The following PPP1R13B variants were observed in gnomAD, a reference collection of about 807,000 sequenced individuals.
PPP1R13B encodes protein phosphatase 1 regulatory subunit 13B, also known as apoptosis-stimulating of p53 protein 1.
A neutral mutation model predicts 119.8 loss-of-function variants in PPP1R13B; 44 were observed. That is an observed-to-expected ratio of 0.37 (90% CI 0.29 to 0.47). The LOEUF is 0.47. Ranked by LOEUF, PPP1R13B falls within the 20% of genes least tolerant of loss-of-function variation. The probability of loss-of-function intolerance (pLI) is 0.99; values close to 1 mark genes in which losing one functional copy is unlikely to be tolerated. For synonymous variants in PPP1R13B, 542 were observed against 561.5 expected (o/e 0.97, Z 0.49); for missense variants, 1,227 against 1,413.5 (o/e 0.87, Z 2.12).
In PPP1R13B at chr14:103,737,766, C is replaced by T. The variant is rs1356353983; in HGVS notation, c.2959G>A (p.Asp987Asn). ...CACTTGTCTGCAGCAGTTTCAATGT[C>T]GCTTATGGTTGAGGCAAAAATGGCG... ...GAAIFASTIS[D>N]IETAADKCEE... Residue 987 changes from aspartate (D) to asparagine (N), a missense_variant, in exon 15 of 17, where the codon GAC becomes AAC. Asp to Asn is a conservative substitution (Grantham distance 23). Transcript: ENST00000202556. 1.9e-6 allele frequency: 3 copies of T among 1,614,114 alleles called. No individual in the cohort carries two copies. Among genetic ancestry groups the T allele is most frequent in the Middle Eastern group, 1.6e-4 (1 of 6,084 alleles).
chr14:103,798,520 G>A (rs7147171), intron 1 of PPP1R13B, among the ~76,000 whole-genome samples: 67,529 of 151,478 alleles, frequency 0.45, 15,536 homozygotes, highest in African/African-American at 0.56. Flanking sequence ...CAAATACAAA[G>A]CTAATCCCCT....
chr14:103,821,661 G>A (rs2086411541), intron 1 of PPP1R13B, among the ~76,000 whole-genome samples: 1 of 152,168 alleles, frequency 6.6e-6, no homozygotes. Flanking sequence ...TAAGGCAGGA[G>A]AATTGCTTGA....
chr14:103,813,150 A>G (rs1042720325), intron 1 of PPP1R13B, among the ~76,000 whole-genome samples: 2 of 152,210 alleles, frequency 1.3e-5, no homozygotes, highest in African/African-American at 2.4e-5. Flanking sequence ...GGAAGCAACC[A>G]AGATGTCCTT....
intron 1 of PPP1R13B, among the ~76,000 whole-genome samples, chr14:103,832,244 T>C (rs1445454860): frequency 1.3e-5 from 2 of 152,160 alleles, no homozygotes; most frequent in Non-Finnish European, 2.9e-5. Flanking sequence ...TACTACCCTA[T>C]GTGTAATCTG....
intron 4 of PPP1R13B, chr14:103,763,410 CTGTT>C (rs2084857944): frequency 6.2e-6 from 1 of 162,282 alleles, no homozygotes; most frequent in Non-Finnish European, 1.3e-5. Context: ...TTTGACTGTT[CTGTT>C]TGTGTTCAGT....
In PPP1R13B at chr14:103,742,400, TG is replaced by T; in HGVS notation, c.1321-110del. On this transcript the variant is annotated intron_variant, in intron 10 of 16. Transcript: ENST00000202556. The surrounding 1 kb of genome is among the most constrained non-coding windows in gnomAD (Gnocchi z 4.9). ...CAGTAGAATTTGTAATCCGTCAAAT[TG>T]GCTGTGACCAGGACTTGGGGCACAC... 7.0e-7 allele frequency: 1 copy of T among 1,430,682 alleles called. No homozygotes were observed. Among genetic ancestry groups the T allele is most frequent in the East Asian group, 2.3e-5 (1 of 43,530 alleles). The allele number at this position is 1,430,682 out of a possible 1,614,324, so 88.6% of individuals were successfully genotyped here. A position where few individuals can be genotyped will look rare whatever the true frequency, so the allele number is the denominator to read the frequency against.
At chr14:103,758,851 T>G (rs987353260) in intron 4 of PPP1R13B, among the ~76,000 whole-genome samples, 15 of 152,206 alleles carry the variant, frequency 9.9e-5, no homozygotes, top group Admixed American at 6.5e-4. Context: ...TTATAATTCT[T>G]AATAGTCAGT....
At chr14:103,802,714 G>A (rs1291585707) in intron 1 of PPP1R13B, among the ~76,000 whole-genome samples, 1 of 152,108 alleles carries the variant, frequency 6.6e-6, no homozygotes, top group Non-Finnish European at 1.5e-5. Context: ...GCATTTTGGG[G>A]TACCTTCTGA....
chr14:103,762,658 C>T (rs920892178), intron 4 of PPP1R13B: 3 of 524,106 alleles, frequency 5.7e-6, no homozygotes, highest in African/African-American at 4.1e-5. Flanking sequence ...CTGCTGCAGC[C>T]TCTGGAAGCC....
At chr14:103,735,873 C>T in intron 16 of PPP1R13B, 130 bp downstream of exon 16, 2 of 1,011,622 alleles carry the variant, frequency 2.0e-6, no homozygotes, top group Non-Finnish European at 2.9e-6. Context: ...AGGCACCTCC[C>T]CCTCTACAGA....
intron 12 of PPP1R13B, 178 bp from the exon 13 acceptor site, chr14:103,739,201 C>T: frequency 1.3e-6 from 1 of 744,976 alleles, no homozygotes. Flanking sequence ...GCCAGGGCCA[C>T]TCTGCTCACT....
Position 103,742,081 on chromosome 14 carries a change from G to C in PPP1R13B, c.1531C>G (p.Gln511Glu), listed in dbSNP as rs748447701. ...TLLPATGSTPQPGSSQQIQQR... is the reference protein window; with the variant it reads ...TLLPATGSTPEPGSSQQIQQR... ...TGAATCTGTTGTGAGGAGCCTGGCT[G>C]GGGGGTGCTGCCTGTGGCGGGCAGC... The change falls in exon 11 of 17, where the codon CAG becomes GAG. Residue 511 changes from glutamine (Q) to glutamate (E), a missense_variant. Coordinates refer to ENST00000202556, the MANE Select transcript of PPP1R13B (RefSeq NM_015316.3). The surrounding 1 kb of genome is among the most constrained non-coding windows in gnomAD (Gnocchi z 4.9). The C allele has an allele frequency of 1.4e-5, 23 of 1,613,602 alleles. No individual in the cohort carries two copies. Among genetic ancestry groups the C allele is most frequent in the Non-Finnish European group, 1.8e-5 (21 of 1,179,964 alleles).
intron 9 of PPP1R13B, among the ~76,000 whole-genome samples, chr14:103,743,487 G>A (rs1260062736): frequency 1.3e-5 from 2 of 152,248 alleles, no homozygotes; most frequent in South Asian, 2.1e-4. Flanking sequence ...GAAAAAGGGT[G>A]CAGAAGTATC....
Position 103,823,855 on chromosome 14 carries a change from A to C in PPP1R13B, c.9+23444T>G, listed in dbSNP as rs113788710. 6.0e-3 allele frequency among the ~76,000 whole-genome samples: 909 copies of C among 152,092 alleles called. 13 individuals carry two copies. The highest frequency in any genetic ancestry group is 0.021 in the African/African-American group (873 of 41,492). On this transcript the variant is annotated intron_variant, in intron 1 of 16. Transcript: ENST00000202556. ...TTTAAAAAAAAAAGTCAACCAATAG[A>C]GGAAATAAAAAATAGCCCCCTAATG...
At chr14:103,752,945 A>G in intron 7 of PPP1R13B, 55 bp downstream of exon 7, 1 of 1,558,796 alleles carries the variant, frequency 6.4e-7, no homozygotes, top group Admixed American at 1.9e-5. Flanking sequence ...CATGCTAATG[A>G]AAGATAGAAA....
In PPP1R13B at chr14:103,736,105, C is replaced by T; in HGVS notation, c.3129G>A (p.Gly1043=). ...QNSDELSFHE[G]DALTILRRKD... ...TGCGCCTCAGGATGGTGAGGGCGTC[C>T]CCTTCGTGGAAGGACAGCTCGTCAC... Residue 1043 remains glycine, a synonymous_variant, in exon 16 of 17, where the codon GGG becomes GGA. Coordinates refer to ENST00000202556, the MANE Select transcript of PPP1R13B (RefSeq NM_015316.3). The T allele has an allele frequency of 6.2e-7, 1 of 1,614,230 alleles. No homozygotes were observed. The highest frequency in any genetic ancestry group is 8.5e-7 in the Non-Finnish European group (1 of 1,180,042).
rs558232071 is a variant in PPP1R13B, at chr14:103,824,170, C to T, written c.9+23129G>A. Among the ~76,000 whole-genome samples, 5 of 150,236 alleles carry T rather than the reference C, an allele frequency of 3.3e-5. No individual in the cohort carries two copies. The South Asian group carries it at 6.4e-4, about 19-fold the overall frequency. On this transcript the variant is annotated intron_variant, in intron 1 of 16. Coordinates refer to ENST00000202556, the MANE Select transcript of PPP1R13B (RefSeq NM_015316.3). ...AAGCAATTCTCCTGCCTCAGCCTCC[C>T]GAGTAGCTGGGACTACAGGTGCGTG...
chr14:103,837,092 ACT>A (rs1412032872), intron 1 of PPP1R13B, among the ~76,000 whole-genome samples: 1 of 152,194 alleles, frequency 6.6e-6, no homozygotes, highest in Non-Finnish European at 1.5e-5. Context: ...GTACATATAA[ACT>A]CTGCCAGGTG....
chr14:103,756,330 T>C (rs1446319366), intron 5 of PPP1R13B, among the ~76,000 whole-genome samples: 1 of 152,144 alleles, frequency 6.6e-6, no homozygotes, highest in Non-Finnish European at 1.5e-5. Context: ...CCTCAGATGA[T>C]CCACCTGCCT....
Sources: allele counts gnomAD v4.1 joint callset (sites outside exome capture counted in the v4.1 genomes callset), GRCh38; gene constraint gnomAD v4.1.1; non-coding constraint Gnocchi (gnomAD v3.1); transcripts MANE v1.5; gene names NCBI Gene and HGNC (gene_info 2026-07-23, HGNC 2026-07-21).